The following DNM3 variants were observed in gnomAD, a reference collection of about 807,000 sequenced individuals.
DNM3 encodes dynamin 3.
A neutral mutation model predicts 101.6 loss-of-function variants in DNM3; 47 were observed. The observed-to-expected ratio is 0.46, with a 90% CI of 0.37 to 0.59. The LOEUF (loss-of-function observed/expected upper bound fraction) is 0.59. DNM3 is among the 20% of genes least tolerant of loss of function. DNM3 has a pLI of 0.00. For missense variants in DNM3, 849 were observed against 1,085.7 expected (o/e 0.78, Z 3.06); for synonymous variants, 385 against 387.9 (o/e 0.99, Z 0.09).
intron 20 of DNM3, among the ~76,000 whole-genome samples, chr1:172,405,902 T>G (rs1322047264): frequency 1.3e-5 from 2 of 151,870 alleles, no homozygotes; most frequent in Non-Finnish European, 2.9e-5. Context: ...TTTTTTTTTT[T>G]GCCATGGCCA....
rs548097003 is a variant in DNM3 at position 172,116,660 on chromosome 1, G to A, written c.1546-14515G>A. Among the ~76,000 whole-genome samples, 11 of 152,210 alleles carry A rather than the reference G, an allele frequency of 7.2e-5. 1 individual carries two copies. In the South Asian group the frequency reaches 1.9e-3, roughly 26 times the overall value. ...TTGGAAGTACATCTGGAACACTTTG[G>A]GATATTAAAATAGGGCTTTGTGGTC... On this transcript the variant is annotated intron_variant, in intron 13 of 20. Coordinates refer to ENST00000627582, the MANE Select transcript of DNM3 (RefSeq NM_015569.5).
Position 172,300,397 on chromosome 1 carries a change from G to A in DNM3, c.1770-8331G>A, listed in dbSNP as rs138114086. 2.3e-3 allele frequency among the ~76,000 whole-genome samples: 357 copies of A among 152,024 alleles called. 2 individuals are homozygous for A. Among genetic ancestry groups the A allele is most frequent in the African/African-American group, 8.2e-3 (340 of 41,464 alleles). Reference sequence around the variant, plus strand: ...GTCTAGGAGATCTTTCGTTTAATTAGGTCCCTCTTGTCAATTTTTATTTTT... The same window carrying A: ...GTCTAGGAGATCTTTCGTTTAATTAAGTCCCTCTTGTCAATTTTTATTTTT... On this transcript the variant is annotated intron_variant, in intron 15 of 20. Transcript: ENST00000627582.
intron 1 of DNM3, among the ~76,000 whole-genome samples, chr1:171,885,811 C>A (rs1422778414): frequency 6.6e-6 from 1 of 152,152 alleles, no homozygotes; most frequent in African/African-American, 2.4e-5. Flanking sequence ...CCAGTGTATA[C>A]CCTTTCTAGG....
At chr1:172,134,726 A>G (rs2148107246) in intron 14 of DNM3, among the ~76,000 whole-genome samples, 1 of 152,302 alleles carries the variant, frequency 6.6e-6, no homozygotes, top group South Asian at 2.1e-4. Context: ...CAGGCTAGGA[A>G]GAAAATAAAG....
rs146812250 is a variant in DNM3 at position 172,383,434 on chromosome 1, A to T, written c.2059-3699A>T. The stretch of plus-strand genomic sequence containing the variant: ...ATGTGAGAGAATTGTGAGATCTCAA[A>T]GATCACAAAATTCTAACCAAGCCCC... On this transcript the variant is annotated intron_variant, in intron 18 of 20. Transcript: ENST00000627582. Among the ~76,000 whole-genome samples the T allele has an allele frequency of 6.2e-3, 952 of 152,326 alleles. 4 individuals carry two copies. Among genetic ancestry groups the T allele is most frequent in the Non-Finnish European group, 8.6e-3 (586 of 68,028 alleles).
intron 1 of DNM3, among the ~76,000 whole-genome samples, chr1:171,919,115 C>G (rs1039636918): frequency 6.6e-6 from 1 of 152,146 alleles, no homozygotes; most frequent in African/African-American, 2.4e-5. Flanking sequence ...ACGGCTCAAA[C>G]AGATGCCCTC....
At chr1:171,890,390 C>T (rs2037163770) in intron 1 of DNM3, among the ~76,000 whole-genome samples, 1 of 152,144 alleles carries the variant, frequency 6.6e-6, no homozygotes, top group South Asian at 2.1e-4. Context: ...AGAAAACTAC[C>T]AGATGCCTTC....
At chr1:172,236,998 G>A (rs536187757) in intron 14 of DNM3, among the ~76,000 whole-genome samples, 1 of 151,996 alleles carries the variant, frequency 6.6e-6, no homozygotes, top group Non-Finnish European at 1.5e-5. Flanking sequence ...GTATCGTTTC[G>A]CCAATATTTC....
chr1:172,284,891 T>C (rs986669239), intron 15 of DNM3, among the ~76,000 whole-genome samples: 1 of 152,182 alleles, frequency 6.6e-6, no homozygotes, highest in Admixed American at 6.5e-5. Context: ...GATGTATAAG[T>C]AAGGCATTAA....
intron 12 of DNM3, 132 bp downstream of exon 12, chr1:172,082,034 A>C: frequency 1.1e-6 from 1 of 923,874 alleles, no homozygotes; most frequent in Non-Finnish European, 1.6e-6. Flanking sequence ...CAGTGTGCCT[A>C]CTTAGGAAGT....
intron 18 of DNM3, among the ~76,000 whole-genome samples, chr1:172,379,756 G>A (rs1452888140): frequency 1.3e-5 from 2 of 151,918 alleles, no homozygotes; most frequent in African/African-American, 4.8e-5. Context: ...AATCCTGCTT[G>A]ACTAGCCATC....
chr1:172,027,136 A>T (rs1020373094), intron 4 of DNM3, among the ~76,000 whole-genome samples: 1 of 152,230 alleles, frequency 6.6e-6, no homozygotes, highest in African/African-American at 2.4e-5. Flanking sequence ...CAGCCACTGC[A>T]AAAACATACC....
chr1:172,062,371 T>C (rs2051306750), intron 10 of DNM3, among the ~76,000 whole-genome samples: 1 of 152,194 alleles, frequency 6.6e-6, no homozygotes, highest in African/African-American at 2.4e-5. Flanking sequence ...CCAAGTTTTA[T>C]TCACTCAAGG....
intron 1 of DNM3, among the ~76,000 whole-genome samples, chr1:171,896,336 C>T (rs952951603): frequency 2.6e-5 from 4 of 152,114 alleles, no homozygotes; most frequent in African/African-American, 9.7e-5. Context: ...TTGTAGTTCT[C>T]CTTGAAGAGG....
chr1:172,357,406 G>A (rs1448733811), intron 17 of DNM3, among the ~76,000 whole-genome samples: 2 of 152,104 alleles, frequency 1.3e-5, no homozygotes, highest in Non-Finnish European at 2.9e-5. Context: ...CATGTCTCCT[G>A]ATGTAATGCA....
chr1:172,266,553 TG>T (rs1226269226), intron 15 of DNM3, among the ~76,000 whole-genome samples: 1 of 152,210 alleles, frequency 6.6e-6, no homozygotes, highest in Non-Finnish European at 1.5e-5. Context: ...ATCCCACTTT[TG>T]TCAAAACAAT....
intron 2 of DNM3, among the ~76,000 whole-genome samples, chr1:171,928,497 GTGCTATGGGACCAAGCCAGGGGTTCCC>G (rs1435100266): frequency 6.6e-6 from 1 of 152,176 alleles, no homozygotes; most frequent in Non-Finnish European, 1.5e-5. Flanking sequence ...TGGAGGGTCT[GTGCTATGGGACCAAGCCAGGGGTTCCC>G]TGTCTGGTGA....
chr1:171,842,930 G>GAAA (rs2031493267), intron 1 of DNM3, among the ~76,000 whole-genome samples: 1 of 152,184 alleles, frequency 6.6e-6, no homozygotes, highest in African/African-American at 2.4e-5. Context: ...TAGAAAACCA[G>GAAA]GTAGAAATGT....
chr1:172,240,117 C>T (rs535028240), intron 14 of DNM3, among the ~76,000 whole-genome samples: 1 of 152,176 alleles, frequency 6.6e-6, no homozygotes, highest in East Asian at 1.9e-4. Flanking sequence ...GGGCATGGTG[C>T]CCAGCTCTGC....
Sources: allele counts gnomAD v4.1 joint callset (sites outside exome capture counted in the v4.1 genomes callset), GRCh38; gene constraint gnomAD v4.1.1; transcripts MANE v1.5; gene names NCBI Gene and HGNC (gene_info 2026-07-23, HGNC 2026-07-21).